The following SH3RF1 variants were observed in gnomAD, a reference collection of about 807,000 sequenced individuals.
The protein encoded by SH3RF1 is E3 ubiquitin-protein ligase SH3RF1.
A neutral mutation model predicts 74.0 loss-of-function variants in SH3RF1; 32 were observed. The observed-to-expected ratio is 0.43, with a 90% CI of 0.33 to 0.58. The LOEUF is 0.58. Ranked by LOEUF, SH3RF1 falls within the 20% of genes least tolerant of loss-of-function variation. SH3RF1 has a pLI of 0.05. For missense variants in SH3RF1, 954 were observed against 1,130.9 expected (o/e 0.84, Z 2.24); for synonymous variants, 396 against 439.6 (o/e 0.90, Z 1.24).
rs768572470 is a variant in SH3RF1 at position 169,107,129 on chromosome 4, G to A, written c.2216C>T (p.Ser739Leu). The change falls in exon 11 of 12, where the codon TCG (serine) becomes TTG (leucine). Residue 739 changes from serine (S) to leucine (L), a missense_variant. This residue lies in a region of SH3RF1 where 854 missense variants were observed against 962.5 expected (regional missense o/e 0.89). Transcript: ENST00000284637. ...KRKPRVSPPASPTLEVELGSA... is the reference protein window; with the variant it reads ...KRKPRVSPPALPTLEVELGSA... ...GCCCAGCTCCACTTCTAGGGTGGGC[G>A]ATGCTGGAGGAGACACGCGGGGCTT... 3.1e-6 allele frequency: 5 copies of A among 1,609,424 alleles called. No homozygotes were observed. The highest frequency in any genetic ancestry group is 2.2e-5 in the East Asian group (1 of 44,786).
At chr4:169,209,607 T>C (rs976042762) in intron 2 of SH3RF1, among the ~76,000 whole-genome samples, 1 of 152,180 alleles carries the variant, frequency 6.6e-6, no homozygotes, top group Non-Finnish European at 1.5e-5. Flanking sequence ...GTAAGCACTA[T>C]TAGAAAAGTA....
At chr4:169,123,075 C>T (rs563476669) in intron 6 of SH3RF1, among the ~76,000 whole-genome samples, 1 of 152,250 alleles carries the variant, frequency 6.6e-6, no homozygotes, top group African/African-American at 2.4e-5. Flanking sequence ...GCTACCTCGT[C>T]CTCTCCAGAT....
chr4:169,177,962 G>T (rs1292877289), intron 2 of SH3RF1, among the ~76,000 whole-genome samples: 4 of 151,958 alleles, frequency 2.6e-5, no homozygotes, highest in African/African-American at 7.2e-5. Context: ...GAGTAAAAAA[G>T]AACTTTTTTT....
chr4:169,133,555 A>C lies in SH3RF1; in HGVS notation c.1068+2763T>G, dbSNP rs566358263. On this transcript the variant is annotated intron_variant, in intron 5 of 11. Transcript: ENST00000284637. ...CACTTGGGGAGGCTGAAGTAGGTGG[A>C]TCACCTGAGGTCAGGAGTTCGAGAC... Among the ~76,000 whole-genome samples, 255 of 152,124 alleles carry C rather than the reference A, an allele frequency of 1.7e-3. 2 individuals are homozygous for C. The highest frequency in any genetic ancestry group is 5.9e-3 in the African/African-American group (245 of 41,488).
rs796762720 is a variant in SH3RF1, at chr4:169,144,761, A to AT, written c.766-8142dup. Among the ~76,000 whole-genome samples the AT allele has an allele frequency of 2.5e-3, 369 of 147,212 alleles. 1 individual carries two copies. Among genetic ancestry groups the AT allele is most frequent in the African/African-American group, 8.0e-3 (322 of 40,372 alleles). On this transcript the variant is annotated intron_variant, in intron 4 of 11. Transcript: ENST00000284637. Reference sequence around the variant, plus strand: ...GGCAACTACTTGGCAGGGTCAACTGATTTTTTTTTTTAAGGAAAGCTTATG... The same window carrying AT: ...GGCAACTACTTGGCAGGGTCAACTGATTTTTTTTTTTTAAGGAAAGCTTATG...
intron 2 of SH3RF1, among the ~76,000 whole-genome samples, chr4:169,235,871 G>C (rs1292440329): frequency 6.6e-6 from 1 of 152,118 alleles, no homozygotes. Context: ...AGAAGAGACA[G>C]GGTTTCACCA....
intron 2 of SH3RF1, among the ~76,000 whole-genome samples, chr4:169,266,577 C>A (rs762401136): frequency 7.5e-6 from 1 of 132,970 alleles, no homozygotes; most frequent in African/African-American, 2.9e-5. Context: ...GCAAAAGGTA[C>A]TAGTAACTTA....
intron 2 of SH3RF1, among the ~76,000 whole-genome samples, chr4:169,227,923 T>C (rs540026043): frequency 6.6e-6 from 1 of 152,310 alleles, no homozygotes; most frequent in African/African-American, 2.4e-5. Flanking sequence ...CAAGAGCGAA[T>C]GAAGGGAACT....
At chr4:169,193,426 C>A (rs541084819) in intron 2 of SH3RF1, among the ~76,000 whole-genome samples, 16 of 152,218 alleles carry the variant, frequency 1.1e-4, no homozygotes, top group African/African-American at 2.9e-4. Flanking sequence ...GACTCCACCC[C>A]CAGAGAGTTA....
At chr4:169,100,943 C>A (rs1293225859) in intron 11 of SH3RF1, among the ~76,000 whole-genome samples, 4 of 152,198 alleles carry the variant, frequency 2.6e-5, no homozygotes, top group Non-Finnish European at 4.4e-5. Context: ...CCCACCCATA[C>A]CCTATCACTC....
chr4:169,226,984 T>C (rs1730661403), intron 2 of SH3RF1, among the ~76,000 whole-genome samples: 1 of 152,014 alleles, frequency 6.6e-6, no homozygotes, highest in South Asian at 2.1e-4. Flanking sequence ...CTGGTCAACA[T>C]AACAAGACCC....
At chr4:169,211,708 T>TAC (rs547555297) in intron 2 of SH3RF1, among the ~76,000 whole-genome samples, 16 of 152,292 alleles carry the variant, frequency 1.1e-4, no homozygotes, top group African/African-American at 2.9e-4. Context: ...AAAGCCTAGA[T>TAC]ACAGATGTGT....
In SH3RF1 at chr4:169,146,100, AAAATG is replaced by A. The variant is rs1236542027; in HGVS notation, c.765+9375_765+9379del. Among the ~76,000 whole-genome samples the A allele has an allele frequency of 3.3e-3, 361 of 110,582 alleles. 3 individuals are homozygous for A. Among genetic ancestry groups the A allele is most frequent in the African/African-American group, 0.012 (307 of 26,238 alleles). The allele number at this position is 110,582 out of a possible 152,430, so 72.5% of individuals were successfully genotyped here. ...ATTATATATTCTATATATTCTATAT[AAAATG>A]TTATATATTCTATATATTCTATATA... On this transcript the variant is annotated intron_variant, in intron 4 of 11. Coordinates refer to ENST00000284637, the MANE Select transcript of SH3RF1 (RefSeq NM_020870.4).
intron 11 of SH3RF1, among the ~76,000 whole-genome samples, chr4:169,099,084 T>C (rs1732975721): frequency 6.6e-6 from 1 of 152,238 alleles, no homozygotes; most frequent in Non-Finnish European, 1.5e-5. Flanking sequence ...GTTAGGGTTT[T>C]GGAATCCCTT....
At chr4:169,150,743 G>A (rs908112889) in intron 4 of SH3RF1, among the ~76,000 whole-genome samples, 1 of 152,124 alleles carries the variant, frequency 6.6e-6, no homozygotes, top group Non-Finnish European at 1.5e-5. Context: ...TTGAGCATCC[G>A]CAGATTTGGA....
chr4:169,195,568 G>A (rs1398749726), intron 2 of SH3RF1, among the ~76,000 whole-genome samples: 2 of 152,086 alleles, frequency 1.3e-5, no homozygotes, highest in Non-Finnish European at 2.9e-5. Context: ...CAAGTATTTA[G>A]AAATCTCGTA....
chr4:169,214,779 G>C (rs1168760950), intron 2 of SH3RF1, among the ~76,000 whole-genome samples: 2 of 152,108 alleles, frequency 1.3e-5, no homozygotes, highest in Non-Finnish European at 2.9e-5. Flanking sequence ...ATAGAAAAGT[G>C]ATTGGCTTTT....
intron 2 of SH3RF1, among the ~76,000 whole-genome samples, chr4:169,197,667 G>A (rs1001821403): frequency 2.7e-5 from 4 of 147,234 alleles, no homozygotes; most frequent in African/African-American, 7.4e-5. Flanking sequence ...TGTGTTTGTT[G>A]TTATATGTCT....
chr4:169,192,693 A>G (rs1347296808), intron 2 of SH3RF1, among the ~76,000 whole-genome samples: 1 of 151,826 alleles, frequency 6.6e-6, no homozygotes, highest in Non-Finnish European at 1.5e-5. Context: ...ACACACGTTT[A>G]CAGCAGCACA....
Sources: allele counts gnomAD v4.1 joint callset (sites outside exome capture counted in the v4.1 genomes callset), GRCh38; gene constraint gnomAD v4.1.1; regional missense constraint gnomAD v4.1.1; transcripts MANE v1.5; gene names NCBI Gene and HGNC (gene_info 2026-07-23, HGNC 2026-07-21).